Variants in DISC1 observed in about 807,000 individuals in gnomAD.
DISC1 encodes the protein disrupted in schizophrenia 1 protein.
Under a neutral mutation model 84.5 loss-of-function variants are expected in DISC1, and 57 were observed. That is an observed-to-expected ratio of 0.67 (90% confidence interval 0.55 to 0.84). DISC1 has a LOEUF of 0.84. DISC1 is among the 40% of genes least tolerant of loss of function. The pLI is 0.00. For synonymous variants in DISC1, 411 were observed against 415.2 expected, an observed-to-expected ratio of 0.99 and a Z score of 0.12; for missense variants, 1,000 against 1,057.8, an observed-to-expected ratio of 0.95 and a Z score of 0.76.
chr1:231,808,774 G>A (rs573273909), intron 8 of DISC1, among the ~76,000 whole-genome samples: 7 of 152,322 alleles, frequency 4.6e-5, no homozygotes, highest in East Asian at 1.9e-4. Flanking sequence ...TTGCTCTGGC[G>A]CTGGGAGCCA....
intron 10 of DISC1, among the ~76,000 whole-genome samples, chr1:231,995,316 T>C (rs1375772391): frequency 1.3e-5 from 2 of 152,024 alleles, no homozygotes; most frequent in African/African-American, 4.8e-5. Context: ...CTGGTTATTT[T>C]CTTTTTTTCT....
At chr1:231,722,934 C>A in intron 3 of DISC1, 1 of 1,246,286 alleles carries the variant, frequency 8.0e-7, no homozygotes. Context: ...GAGAAACCAC[C>A]CAAAAGCAAA....
intron 9 of DISC1, among the ~76,000 whole-genome samples, chr1:231,867,983 A>G (rs1030030645): frequency 2.0e-5 from 3 of 152,200 alleles, no homozygotes; most frequent in Non-Finnish European, 4.4e-5. Context: ...CTAATCTTCC[A>G]TTTGTATTGC....
chr1:231,729,779 C>T (rs1249867816), intron 3 of DISC1, among the ~76,000 whole-genome samples: 2 of 150,972 alleles, frequency 1.3e-5, no homozygotes, highest in African/African-American at 4.9e-5. Context: ...TAAGCTGTTC[C>T]TGCTGCCATG....
intron 7 of DISC1, among the ~76,000 whole-genome samples, chr1:231,796,985 G>A (rs1302102539): frequency 6.6e-6 from 1 of 152,150 alleles, no homozygotes; most frequent in Non-Finnish European, 1.5e-5. Context: ...TCAAAATTGG[G>A]ATTGCAGGCA....
chr1:231,989,826 A>G (rs1391200029), intron 10 of DISC1, among the ~76,000 whole-genome samples: 1 of 152,188 alleles, frequency 6.6e-6, no homozygotes, highest in Admixed American at 6.5e-5. Context: ...ACAGTCCAAC[A>G]ATCCTTCCAT....
At chr1:231,633,807 C>T (rs1350900945) in intron 1 of DISC1, among the ~76,000 whole-genome samples, 1 of 151,894 alleles carries the variant, frequency 6.6e-6, no homozygotes, top group Non-Finnish European at 1.5e-5. Context: ...AAGTTGTGTC[C>T]TGAATGTGGA....
chr1:232,005,641 T>A (rs1283504293), intron 10 of DISC1, among the ~76,000 whole-genome samples: 2 of 152,210 alleles, frequency 1.3e-5, no homozygotes, highest in Non-Finnish European at 1.5e-5. Flanking sequence ...TCTGCCTAAT[T>A]CCTTCTTTAT....
rs554558603 is a variant in DISC1 at position 231,806,632 on chromosome 1, T to G, written c.1792+6422T>G. On this transcript the variant is annotated intron_variant, in intron 8 of 12. Transcript: ENST00000439617. ...GTAGGAGGTTTGCCCTGGGACAAAC[T>G]GAGGTCCTGCAGGGTTCGAGGGTGA... is the stretch of plus-strand genomic sequence containing the variant. Among the ~76,000 whole-genome samples the G allele has an allele frequency of 3.9e-5, 6 of 152,220 alleles. No individual in the cohort carries two copies. In the South Asian group the frequency reaches 1.2e-3, roughly 32 times the overall value.
chr1:231,656,549 G>T (rs1052287532), intron 1 of DISC1, among the ~76,000 whole-genome samples: 3 of 152,078 alleles, frequency 2.0e-5, no homozygotes, highest in Non-Finnish European at 2.9e-5. Flanking sequence ...TTTTGCTCAG[G>T]ATTACTTTGG....
chr1:231,656,400 T>C (rs1346010713), intron 1 of DISC1, among the ~76,000 whole-genome samples: 1 of 152,194 alleles, frequency 6.6e-6, no homozygotes, highest in Non-Finnish European at 1.5e-5. Context: ...GTTGTAACTA[T>C]TTGGCTTTAT....
At chr1:232,029,478 A>G (rs1669793249) in intron 12 of DISC1, among the ~76,000 whole-genome samples, 1 of 152,164 alleles carries the variant, frequency 6.6e-6, no homozygotes, top group Non-Finnish European at 1.5e-5. Context: ...CCTCCAGCCA[A>G]ACTCTGACTG....
intron 3 of DISC1, among the ~76,000 whole-genome samples, chr1:231,706,007 A>G (rs1442885560): frequency 6.6e-6 from 1 of 152,190 alleles, no homozygotes; most frequent in Admixed American, 6.5e-5. Context: ...AGCAGTTGGC[A>G]CAGAGTAGAG....
chr1:231,783,650 T>A (rs2077599265), intron 6 of DISC1, among the ~76,000 whole-genome samples: 2 of 152,206 alleles, frequency 1.3e-5, no homozygotes, highest in African/African-American at 4.8e-5. Flanking sequence ...CAATGCATGC[T>A]GTGATGTTGT....
chr1:232,020,703 C>A (rs552051708), intron 11 of DISC1, among the ~76,000 whole-genome samples: 1 of 152,192 alleles, frequency 6.6e-6, no homozygotes, highest in East Asian at 1.9e-4. Flanking sequence ...CACTGAGACA[C>A]CTTCTTTGAA....
intron 3 of DISC1, among the ~76,000 whole-genome samples, chr1:231,743,933 G>T (rs1323361084): frequency 1.3e-5 from 2 of 152,188 alleles, no homozygotes; most frequent in African/African-American, 4.8e-5. Flanking sequence ...CCAGGTGTGT[G>T]CCTTGGGAAT....
intron 10 of DISC1, among the ~76,000 whole-genome samples, chr1:231,986,779 T>A (rs1051370645): frequency 6.6e-6 from 1 of 152,178 alleles, no homozygotes; most frequent in African/African-American, 2.4e-5. Context: ...GTGACCACAG[T>A]GCAGTGGGAT....
chr1:231,799,589 G>C (rs1174378459), intron 7 of DISC1, among the ~76,000 whole-genome samples: 1 of 151,898 alleles, frequency 6.6e-6, no homozygotes, highest in Non-Finnish European at 1.5e-5. Flanking sequence ...GGCAGCGACT[G>C]AGCAGTCTGG....
chr1:232,030,155 G>A (rs1055977169), intron 12 of DISC1, among the ~76,000 whole-genome samples: 1 of 152,156 alleles, frequency 6.6e-6, no homozygotes, highest in Non-Finnish European at 1.5e-5. Context: ...GTGACTTCAC[G>A]GCCAGTCAAG....
Sources: gnomAD v4.1 joint callset for allele counts (sites outside exome capture counted in the v4.1 genomes callset) on GRCh38, gnomAD v4.1.1 for gene constraint, MANE v1.5 for transcripts, NCBI Gene and HGNC (gene_info 2026-07-23, HGNC 2026-07-21) for gene names.